Variants in TMEM276 observed in about 807,000 individuals in gnomAD.
TMEM276 encodes the protein transmembrane protein 276.
At chr8:144,464,172 C>T in the TMEM276 span, 2 of 1,613,000 alleles carry the variant, frequency 1.2e-6, no homozygotes, top group Non-Finnish European at 1.7e-6. Context: ...GGCAGTAAGC[C>T]CAGCTGCCTA....
At chr8:144,464,491 C>T in the TMEM276 span, 2 of 1,612,310 alleles carry the variant, frequency 1.2e-6, no homozygotes, top group Non-Finnish European at 8.5e-7. Flanking sequence ...AAGGGGAAGG[C>T]CGATGACGGT....
the TMEM276 span, chr8:144,466,864 G>A: frequency 6.5e-3 from 9,997 of 1,536,376 alleles, 61 homozygotes; most frequent in South Asian, 0.012. Flanking sequence ...GAGTCCCGCG[G>A]TGCGAGGGCG....
the TMEM276 span, chr8:144,467,000 G>C: frequency 6.3e-7 from 1 of 1,596,470 alleles, no homozygotes. Flanking sequence ...CGCAGCCGAG[G>C]GCCGCGCGGC....
At chr8:144,464,624 G>A in the TMEM276 span, 3 of 1,599,188 alleles carry the variant, frequency 1.9e-6, no homozygotes, top group East Asian at 2.2e-5. Context: ...TGTCAACACA[G>A]GGAAGGGAGA....
chr8:144,464,626 G>C, the TMEM276 span: 17 of 1,598,568 alleles, frequency 1.1e-5, no homozygotes, highest in East Asian at 3.8e-4. Context: ...TCAACACAGG[G>C]AAGGGAGAAC....
the TMEM276 span, chr8:144,464,915 G>A: frequency 6.2e-7 from 1 of 1,610,356 alleles, no homozygotes; most frequent in Non-Finnish European, 8.5e-7. Context: ...ACCTCAGGCG[G>A]CAGTATGTAC....
chr8:144,464,091 G>C, the TMEM276 span: 108 of 1,578,238 alleles, frequency 6.8e-5, no homozygotes, highest in South Asian at 7.4e-4. Context: ...GAAAGTGTTC[G>C]GCAGGGCAGA....
chr8:144,464,663 C>T, the TMEM276 span: 10 of 1,573,874 alleles, frequency 6.4e-6, no homozygotes, highest in Admixed American at 1.6e-4. Flanking sequence ...CCGGGGTCAC[C>T]CTTTTAAACA....
At chr8:144,466,836 C>A in the TMEM276 span, 3 of 1,536,784 alleles carry the variant, frequency 2.0e-6, no homozygotes. Context: ...ACCGGCCTGG[C>A]CGGTAGGTGC....
chr8:144,465,087 C>G, the TMEM276 span: 4 of 1,519,690 alleles, frequency 2.6e-6, no homozygotes, highest in South Asian at 1.2e-5. Context: ...CCTGAGGCCA[C>G]TGCACACACC....
At chr8:144,463,828 C>T in the TMEM276 span, 1 of 1,297,878 alleles carries the variant, frequency 7.7e-7, no homozygotes, top group Non-Finnish European at 9.8e-7. Context: ...TTTCATATTC[C>T]TGCAAAATTC....
the TMEM276 span, chr8:144,464,863 C>CA: frequency 6.2e-7 from 1 of 1,612,810 alleles, no homozygotes; most frequent in Non-Finnish European, 8.5e-7. Context: ...CCAGATGGGA[C>CA]AGGGCTGTGC....
chr8:144,463,907 C>T, the TMEM276 span: 4 of 1,412,444 alleles, frequency 2.8e-6, no homozygotes, highest in African/African-American at 4.3e-5. Context: ...ATCAGGACCC[C>T]CAAACGTGTC....
At chr8:144,465,532 G>GGGGGGGGAGGGTCGAGGCCT in the TMEM276 span, 1 of 595,604 alleles carries the variant, frequency 1.7e-6, no homozygotes, top group Non-Finnish European at 2.1e-6. Flanking sequence ...TAGAGCGGCT[G>GGGGGGGGAGGGTCGAGGCCT]GGGGGGGAGG....
At chr8:144,465,082 G>C in the TMEM276 span, 5 of 1,527,638 alleles carry the variant, frequency 3.3e-6, no homozygotes, top group African/African-American at 4.1e-5. Context: ...GGATCCCTGA[G>C]GCCACTGCAC....
At chr8:144,466,860 C>T in the TMEM276 span, 1 of 1,536,722 alleles carries the variant, frequency 6.5e-7, no homozygotes. Flanking sequence ...CTGGGAGTCC[C>T]GCGGTGCGAG....
the TMEM276 span, chr8:144,466,842 G>A: frequency 1.2e-5 from 19 of 1,536,662 alleles, no homozygotes; most frequent in Admixed American, 3.3e-4. Context: ...CTGGCCGGTA[G>A]GTGCGGGCTG....
chr8:144,465,493 G>C, the TMEM276 span: 3 of 965,784 alleles, frequency 3.1e-6, no homozygotes, highest in African/African-American at 3.6e-5. Context: ...CCAGCGAGAG[G>C]AGCGGAGGCT....
the TMEM276 span, chr8:144,464,694 A>G: frequency 1.9e-6 from 3 of 1,576,558 alleles, no homozygotes; most frequent in Middle Eastern, 1.7e-4. Flanking sequence ...TGGGGCTTCC[A>G]TGGAGACCTG....
Sources: allele counts gnomAD v4.1 joint callset, GRCh38; gene constraint gnomAD v4.1.1; transcripts MANE v1.5; gene names NCBI Gene and HGNC (gene_info 2026-07-23, HGNC 2026-07-21).